CCDC178: variants seen among roughly 807,000 people sequenced by gnomAD.
The protein encoded by CCDC178 is coiled-coil domain-containing protein 178.
CCDC178 carries 126 observed loss-of-function variants against 117.4 expected under a neutral mutation model. The observed-to-expected ratio is 1.07, with a 90% confidence interval of 0.93 to 1.24. The LOEUF is 1.24. Ranked by LOEUF, CCDC178 falls within the 50% of genes most tolerant of loss-of-function variation. The pLI, the probability that CCDC178 is intolerant of heterozygous loss-of-function variation, is 0.00. For missense variants in CCDC178, 1,030 were observed against 986.9 expected (o/e 1.04, Z -0.59); for synonymous variants, 283 against 313.4 (o/e 0.90, Z 1.02).
chr18:33,417,873 C>T (rs1351381903), intron 2 of CCDC178, among the ~76,000 whole-genome samples: 1 of 152,050 alleles, frequency 6.6e-6, no homozygotes, highest in Non-Finnish European at 1.5e-5. Flanking sequence ...CCAGAAAAAG[C>T]CCAGTACCAG....
intron 6 of CCDC178, among the ~76,000 whole-genome samples, chr18:33,367,982 T>C (rs2063238134): frequency 2.6e-5 from 4 of 151,960 alleles, no homozygotes; most frequent in Admixed American, 2.6e-4. Context: ...TTTCTATCAT[T>C]GTTATTGTGT....
intron 20 of CCDC178, 103 bp from the exon 21 acceptor site, chr18:33,093,013 A>G (rs2057491550): frequency 5.6e-6 from 4 of 709,456 alleles, no homozygotes; most frequent in South Asian, 2.5e-5. Flanking sequence ...AATTATCTAA[A>G]CATGCTCTAT....
chr18:33,326,891 A>G (rs1296796079), intron 10 of CCDC178, among the ~76,000 whole-genome samples: 2 of 152,078 alleles, frequency 1.3e-5, no homozygotes, highest in Non-Finnish European at 2.9e-5. Context: ...CGAAAACTCA[A>G]TTAGCCCAAA....
At chr18:33,437,360 A>T (rs969342897) in intron 2 of CCDC178, among the ~76,000 whole-genome samples, 1 of 152,168 alleles carries the variant, frequency 6.6e-6, no homozygotes, top group African/African-American at 2.4e-5. Flanking sequence ...GCAAACTATA[A>T]CTTGTTGGTT....
chr18:33,017,782 T>G (rs8083473), intron 21 of CCDC178, among the ~76,000 whole-genome samples: 3,168 of 151,854 alleles, frequency 0.021, 51 homozygotes, highest in African/African-American at 0.047. Context: ...GAAATATGCA[T>G]AGAAAATGGA....
intron 12 of CCDC178, among the ~76,000 whole-genome samples, chr18:33,292,431 G>A (rs986978152): frequency 2.0e-5 from 3 of 152,124 alleles, no homozygotes; most frequent in South Asian, 2.1e-4. Context: ...AGGGTAGGGG[G>A]TAGGGACATA....
At chr18:33,378,297 C>T (rs938765089) in intron 5 of CCDC178, among the ~76,000 whole-genome samples, 4 of 152,002 alleles carry the variant, frequency 2.6e-5, no homozygotes, top group Non-Finnish European at 4.4e-5. Context: ...TAATTTTGTA[C>T]TGTGAAATTT....
At chr18:33,236,263 T>A (rs1024920874) in intron 15 of CCDC178, among the ~76,000 whole-genome samples, 15 of 152,170 alleles carry the variant, frequency 9.9e-5, no homozygotes, top group African/African-American at 3.4e-4. Context: ...ATTTAGAGTG[T>A]TCTAAAGATT....
intron 18 of CCDC178, among the ~76,000 whole-genome samples, chr18:33,219,246 G>C (rs992485678): frequency 6.6e-6 from 1 of 152,096 alleles, no homozygotes; most frequent in Admixed American, 6.6e-5. Flanking sequence ...ACACCAGTTA[G>C]AATGGCAATC....
At chr18:32,968,440 A>G (rs974821879) in intron 22 of CCDC178, among the ~76,000 whole-genome samples, 26 of 152,086 alleles carry the variant, frequency 1.7e-4, no homozygotes, top group Non-Finnish European at 8.8e-5. Flanking sequence ...GCTATTGTGA[A>G]TAGTGCTGCA....
intron 15 of CCDC178, among the ~76,000 whole-genome samples, chr18:33,229,187 C>T (rs1442059454): frequency 2.0e-5 from 3 of 152,176 alleles, no homozygotes; most frequent in Admixed American, 6.5e-5. Context: ...CTCCCAACAA[C>T]AACCTCGATC....
rs142529702 is a variant in CCDC178 at position 32,985,977 on chromosome 18, T to A, written c.2389-11296A>T. On this transcript the variant is annotated intron_variant, in intron 21 of 22. Transcript: ENST00000383096. ...ACTGGATTCAATATAAAATACTCAT[T>A]CTTAATATAGAAAGATATTTTTGTT... 3.0e-3 allele frequency among the ~76,000 whole-genome samples: 455 copies of A among 152,154 alleles called. 3 individuals carry two copies. The highest frequency in any genetic ancestry group is 0.01 in the African/African-American group (429 of 41,548).
chr18:33,231,162 C>A (rs1399039289), intron 15 of CCDC178, among the ~76,000 whole-genome samples: 1 of 152,146 alleles, frequency 6.6e-6, no homozygotes, highest in Non-Finnish European at 1.5e-5. Context: ...GATAATGAGA[C>A]AAACATAGAC....
Position 33,203,573 on chromosome 18 carries a change from G to A in CCDC178, c.2238+8323C>T, listed in dbSNP as rs372345092. On this transcript the variant is annotated intron_variant, in intron 20 of 22. Coordinates refer to ENST00000383096, the MANE Select transcript of CCDC178 (RefSeq NM_001105528.4). The stretch of plus-strand genomic sequence containing the variant: ...AACTTTACAAGTAGGAAATAAAGAC[G>A]TTATTATTTCCACTCTCGTTCTCTG... 2.2e-4 allele frequency among the ~76,000 whole-genome samples: 34 copies of A among 152,170 alleles called. No homozygotes were observed. The East Asian group carries it at 3.5e-3, about 16-fold the overall frequency.
chr18:33,211,939 C>G lies in CCDC178; in HGVS notation c.2195G>C (p.Arg732Thr). Residue 732 changes from arginine (R) to threonine (T), a missense_variant, in exon 20 of 23, where the codon AGA becomes ACA. Arg to Thr is a moderately conservative substitution (Grantham distance 71). Transcript: ENST00000383096. ...TTTTTGTCTTACAGCAAGGAGCACT[C>G]TAAATCTCTGATCTTCCTCAAAGAT... ...ERIFEEDQRFRVLLAVRQKTL... is the reference protein window; with the variant it reads ...ERIFEEDQRFTVLLAVRQKTL... The G allele has an allele frequency of 6.2e-7, 1 of 1,609,848 alleles. No individual in the cohort carries two copies. Among genetic ancestry groups the G allele is most frequent in the Non-Finnish European group, 8.5e-7 (1 of 1,178,164 alleles).
chr18:32,938,419 G>A (rs946923886), intron 22 of CCDC178: 1 of 191,942 alleles, frequency 5.2e-6, no homozygotes, highest in African/African-American at 2.3e-5. Flanking sequence ...TTGTCACATA[G>A]AGAAAGTGAA....
At chr18:33,300,969 C>A (rs938044515) in intron 11 of CCDC178, among the ~76,000 whole-genome samples, 10 of 152,150 alleles carry the variant, frequency 6.6e-5, no homozygotes, top group African/African-American at 2.2e-4. Flanking sequence ...ATATCCAAGA[C>A]AATGGGAAAA....
At chr18:32,944,841 A>G (rs2054311290) in intron 22 of CCDC178, among the ~76,000 whole-genome samples, 1 of 152,172 alleles carries the variant, frequency 6.6e-6, no homozygotes, top group Non-Finnish European at 1.5e-5. Context: ...TGATGGTTTT[A>G]TAAGCAGTTT....
At chr18:33,390,061 T>C (rs1297364337) in intron 4 of CCDC178, among the ~76,000 whole-genome samples, 1 of 149,346 alleles carries the variant, frequency 6.7e-6, no homozygotes, top group Non-Finnish European at 1.5e-5. Flanking sequence ...TAACTATTGA[T>C]ATGTAGGATT....
Sources: gnomAD v4.1 joint callset for allele counts (sites outside exome capture counted in the v4.1 genomes callset) on GRCh38, gnomAD v4.1.1 for gene constraint, MANE v1.5 for transcripts, NCBI Gene and HGNC (gene_info 2026-07-23, HGNC 2026-07-21) for gene names.